The following PCNX2 variants were observed in gnomAD, a reference collection of about 807,000 sequenced individuals.
PCNX2 encodes the protein pecanex-like protein 2.
A neutral mutation model predicts 223.8 loss-of-function variants in PCNX2; 168 were observed. The ratio of observed to expected loss-of-function variants is 0.75; its 90% CI spans 0.66 to 0.85. The LOEUF (loss-of-function observed/expected upper bound fraction) is 0.85, where lower values mean the gene tolerates loss of function less well. Ranked by LOEUF, PCNX2 falls within the 40% of genes least tolerant of loss-of-function variation. The pLI is 0.00. For missense variants in PCNX2, 2,507 were observed against 2,675.5 expected, an observed-to-expected ratio of 0.94 and a Z score of 1.39; for synonymous variants, 1,006 against 1,052.6, an observed-to-expected ratio of 0.96 and a Z score of 0.86.
At position 233,274,879 on chromosome 1, in the gene PCNX2, T is replaced by G. The variant is rs550508227; in HGVS notation, c.154-11716A>C. 1.1e-3 allele frequency among the ~76,000 whole-genome samples: 165 copies of G among 152,196 alleles called. 1 individual carries two copies. The highest frequency in any genetic ancestry group is 3.7e-3 in the South Asian group (18 of 4,820). ...AAGAGCACAGAAGGCTAGCGAAACA[T>G]AGAAGCAAAAAGTTGGTATCTACAT... On this transcript the variant is annotated intron_variant, in intron 1 of 33. Coordinates refer to ENST00000258229, the MANE Select transcript of PCNX2 (RefSeq NM_014801.4).
intron 9 of PCNX2, among the ~76,000 whole-genome samples, chr1:233,233,813 G>T (rs1186158526): frequency 6.6e-6 from 1 of 151,900 alleles, no homozygotes; most frequent in Non-Finnish European, 1.5e-5. Context: ...CTGAGAAATA[G>T]CTCCCCTGTG....
Position 233,161,223 on chromosome 1 carries a change from T to C in PCNX2, c.3366+48A>G, listed in dbSNP as rs368217652. 2.6e-5 allele frequency: 40 copies of C among 1,522,824 alleles called. No individual in the cohort carries two copies. In the African/African-American group the frequency reaches 4.9e-4, roughly 19 times the overall value. 94.3% of individuals were successfully genotyped at this position (1,522,824 alleles called of 1,614,324 possible). On this transcript the variant is annotated intron_variant, in intron 18 of 33. Coordinates refer to ENST00000258229, the MANE Select transcript of PCNX2 (RefSeq NM_014801.4). ...TGTAGCTCCATGACAGCTTTGTTAT[T>C]AAGGAGAATAAGGGGGCAGGAAGAG...
Position 232,998,319 on chromosome 1 carries a change from C to T in PCNX2, c.5723G>A (p.Ser1908Asn). The change falls in exon 32 of 34, where the codon AGC becomes AAC. Residue 1908 changes from serine (S) to asparagine (N), a missense_variant. Ser to Asn is a conservative substitution (Grantham distance 46). This residue lies in a region of PCNX2 where 1,372 missense variants were observed against 1,509.4 expected (regional missense o/e 0.91). Coordinates refer to ENST00000258229, the MANE Select transcript of PCNX2 (RefSeq NM_014801.4). ...NAPSGGSQES[S>N]AEQPRKGGAQ... ...ACCGCCTTTTCTGGGCTGTTCTGCGCTGCTCTCCTGGCTGCCACCACTCGG... is the reference window on the plus strand; with the variant it reads ...ACCGCCTTTTCTGGGCTGTTCTGCGTTGCTCTCCTGGCTGCCACCACTCGG... The T allele has an allele frequency of 6.2e-7, 1 of 1,613,056 alleles. No individual in the cohort carries two copies.
intron 33 of PCNX2, 87 bp downstream of exon 33, chr1:232,986,005 T>C: frequency 7.1e-7 from 1 of 1,401,622 alleles, no homozygotes; most frequent in South Asian, 1.2e-5. Flanking sequence ...GGCAGAAGGG[T>C]GGGAACGCAA....
intron 10 of PCNX2, among the ~76,000 whole-genome samples, chr1:233,225,106 A>G (rs1305872051): frequency 2.3e-5 from 3 of 130,754 alleles, no homozygotes; most frequent in Non-Finnish European, 3.3e-5. Context: ...TCCCAGAACT[A>G]AAGTAAAAAA....
chr1:233,006,257 G>T (rs561700889), intron 28 of PCNX2, among the ~76,000 whole-genome samples: 1 of 152,280 alleles, frequency 6.6e-6, no homozygotes, highest in African/African-American at 2.4e-5. Flanking sequence ...GAAAAAGCTG[G>T]AGTGTACTGC....
intron 23 of PCNX2, among the ~76,000 whole-genome samples, chr1:233,064,717 C>T (rs1672528337): frequency 6.6e-6 from 1 of 152,044 alleles, no homozygotes; most frequent in Non-Finnish European, 1.5e-5. Context: ...TATTATTATG[C>T]TCAAACATGT....
rs899234985 is a variant in PCNX2, at chr1:233,259,920, A to G, written c.518-576T>C. 4.9e-5 allele frequency: 31 copies of G among 633,918 alleles called. No homozygotes were observed. The African/African-American group carries it at 6.2e-4, about 13-fold the overall frequency. 39.3% of individuals were successfully genotyped at this position (633,918 alleles called of 1,614,324 possible). A position where few individuals can be genotyped will look rare whatever the true frequency, so the allele number is the denominator to read the frequency against. ...AATACAGTATAACAACTATATATAT[A>G]GCATTTACATTGTATTAGGTATTAT... On this transcript the variant is annotated intron_variant, in intron 4 of 33. Transcript: ENST00000258229.
chr1:232,990,507 C>A lies in PCNX2; in HGVS notation c.5792-3967G>T, dbSNP rs964861696. Reference sequence around the variant, plus strand: ...TCCACTGCTCTTGGCTGTGACAGAACCTGCCTACAGCTGCAACTCTGAGAC... The same window carrying A: ...TCCACTGCTCTTGGCTGTGACAGAAACTGCCTACAGCTGCAACTCTGAGAC... On this transcript the variant is annotated intron_variant, in intron 32 of 33. Coordinates refer to ENST00000258229, the MANE Select transcript of PCNX2 (RefSeq NM_014801.4). The surrounding 1 kb of genome is among the most constrained non-coding windows in gnomAD (Gnocchi z 4.3). Among the ~76,000 whole-genome samples, 6 of 152,164 alleles carry A rather than the reference C, an allele frequency of 3.9e-5. No individual in the cohort carries two copies. Among genetic ancestry groups the A allele is most frequent in the African/African-American group, 7.2e-5 (3 of 41,430 alleles).
intron 21 of PCNX2, among the ~76,000 whole-genome samples, chr1:233,116,720 AC>A (rs1206594152): frequency 6.6e-6 from 1 of 152,148 alleles, no homozygotes; most frequent in East Asian, 1.9e-4. Context: ...CAAATTGATA[AC>A]AACATCCCAC....
intron 21 of PCNX2, among the ~76,000 whole-genome samples, chr1:233,125,020 CCTA>C (rs2102743663): frequency 6.6e-6 from 1 of 152,250 alleles, no homozygotes; most frequent in East Asian, 1.9e-4. Flanking sequence ...GAGAGCTCAC[CCTA>C]CTAAGGGCAC....
intron 1 of PCNX2, among the ~76,000 whole-genome samples, chr1:233,274,092 G>A (rs905851156): frequency 2.2e-4 from 34 of 152,302 alleles, no homozygotes; most frequent in African/African-American, 7.0e-4. Flanking sequence ...CCCTTGGGGG[G>A]AGTTGTTGCT....
Position 233,291,072 on chromosome 1 carries a change from G to T in PCNX2, c.153+4254C>A, listed in dbSNP as rs189608494. 3.0e-6 allele frequency: 3 copies of T among 985,374 alleles called. No homozygotes were observed. In the African/African-American group the frequency reaches 5.2e-5, roughly 17 times the overall value. 61.0% of individuals were successfully genotyped at this position (985,374 alleles called of 1,614,324 possible). ...GCTCCACGGTTTCACAGCCTTCAAA[G>T]TGCTCTTATATGTAGTATGTCAGGC... On this transcript the variant is annotated intron_variant, in intron 1 of 33. Transcript: ENST00000258229.
the PCNX2 span, among the ~76,000 whole-genome samples, chr1:233,320,158 A>C: frequency 6.6e-6 from 1 of 152,200 alleles, no homozygotes; most frequent in African/African-American, 2.4e-5. Flanking sequence ...GTAGATTTAC[A>C]TGCAATTGTA....
chr1:233,267,208 T>C (rs1660386006), intron 1 of PCNX2, among the ~76,000 whole-genome samples: 1 of 151,926 alleles, frequency 6.6e-6, no homozygotes, highest in Non-Finnish European at 1.5e-5. Flanking sequence ...TCCCAGCTAC[T>C]CGGGAGACTA....
chr1:233,211,117 T>C (rs777322809), intron 12 of PCNX2, among the ~76,000 whole-genome samples: 13 of 152,080 alleles, frequency 8.5e-5, no homozygotes, highest in Admixed American at 6.5e-5. Context: ...AAGGTTTTTG[T>C]TGTAAGGGAG....
intron 17 of PCNX2, among the ~76,000 whole-genome samples, chr1:233,171,647 G>C (rs77593474): frequency 6.6e-6 from 1 of 152,104 alleles, no homozygotes; most frequent in African/African-American, 2.4e-5. Flanking sequence ...ACTATGGCTT[G>C]TCTGGTGCGG....
Position 233,258,029 on chromosome 1 carries a change from T to A in PCNX2, c.1833A>T (p.Arg611=). The A allele has an allele frequency of 6.2e-7, 1 of 1,609,882 alleles. No individual in the cohort carries two copies. Among genetic ancestry groups the A allele is most frequent in the Non-Finnish European group, 8.5e-7 (1 of 1,176,548 alleles). ...AEQNEESGLL[R]DNCSQEKKEE... is the part of the protein sequence containing the mutation. ...AACGGAAATGACATGGAATCGCACCTCGGAGAAGCCCACTTTCTTCATTCT... is the reference window on the plus strand; with the variant it reads ...AACGGAAATGACATGGAATCGCACCACGGAGAAGCCCACTTTCTTCATTCT... The change falls in exon 5 of 34, where the codon CGA becomes CGT. Residue 611 remains arginine, a splice_region_variant and synonymous_variant. Coordinates refer to ENST00000258229, the MANE Select transcript of PCNX2 (RefSeq NM_014801.4).
rs1460199189 is a variant in PCNX2, at chr1:233,161,300, T to C, written c.3337A>G (p.Ser1113Gly). 14 of 1,613,880 alleles carry C rather than the reference T, an allele frequency of 8.7e-6. No individual in the cohort carries two copies. The highest frequency in any genetic ancestry group is 1.2e-5 in the Non-Finnish European group (14 of 1,179,826). ...AATGACAGGAATACAGTGCTGGCGC[T>C]GACTGCAAATGAGAGGACAGCAACC... is the stretch of plus-strand genomic sequence containing the variant. Reference protein sequence around the residue: ...AVVAVLSFAVSASTVFLSLRP... With the variant: ...AVVAVLSFAVGASTVFLSLRP... The change falls in exon 18 of 34, where the codon AGC becomes GGC. Residue 1113 changes from serine (S) to glycine (G), a missense_variant. Physicochemically the swap from Ser to Gly is moderately conservative, Grantham distance 56. This residue lies in a region of PCNX2 where 1,372 missense variants were observed against 1,509.4 expected (regional missense o/e 0.91). Coordinates refer to ENST00000258229, the MANE Select transcript of PCNX2 (RefSeq NM_014801.4).
Sources: gnomAD v4.1 joint callset for allele counts (sites outside exome capture counted in the v4.1 genomes callset) on GRCh38, gnomAD v4.1.1 for gene constraint, gnomAD v4.1.1 regional missense constraint, Gnocchi (gnomAD v3.1) non-coding constraint, MANE v1.5 for transcripts, NCBI Gene and HGNC (gene_info 2026-07-23, HGNC 2026-07-21) for gene names.